DGKB: variants seen among roughly 807,000 people sequenced by gnomAD.
DGKB encodes diacylglycerol kinase beta, also known as 90 kDa diacylglycerol kinase.
In DGKB, 67 loss-of-function variants were observed where a neutral mutation model predicts 114.3. That is an observed-to-expected ratio of 0.59 (90% confidence interval 0.48 to 0.72). DGKB has a LOEUF of 0.72. Ranked by LOEUF, DGKB falls within the 30% of genes least tolerant of loss-of-function variation. The pLI, the probability that DGKB is intolerant of heterozygous loss-of-function variation, is 0.00. For synonymous variants in DGKB, 398 were observed against 323.1 expected (o/e 1.23, Z -2.49); for missense variants, 907 against 975.2 (o/e 0.93, Z 0.93).
intron 6 of DGKB, 44 bp downstream of exon 6, chr7:14,718,498 C>T (rs1828584294): frequency 1.9e-6 from 3 of 1,563,150 alleles, no homozygotes; most frequent in East Asian, 2.3e-5. Flanking sequence ...GTCCTTTCTC[C>T]TGCCCCCAAT....
intron 1 of DGKB, among the ~76,000 whole-genome samples, chr7:14,869,910 A>G (rs371841557): frequency 6.0e-4 from 91 of 152,276 alleles, no homozygotes; most frequent in African/African-American, 2.1e-3. Context: ...GATCTGGAAG[A>G]CAATTTAAAT....
At chr7:14,152,475 G>T (rs1317253691) in intron 25 of DGKB, among the ~76,000 whole-genome samples, 4 of 151,944 alleles carry the variant, frequency 2.6e-5, no homozygotes, top group Admixed American at 6.6e-5. Flanking sequence ...CAACATGCAA[G>T]GTAAATTCTA....
At chr7:14,664,818 GA>G (rs1208825669) in intron 13 of DGKB, among the ~76,000 whole-genome samples, 3 of 151,802 alleles carry the variant, frequency 2.0e-5, no homozygotes, top group Non-Finnish European at 4.4e-5. Flanking sequence ...TGAATTGCAG[GA>G]AAGAAGACAA....
At chr7:14,952,164 T>C (rs1312511411) in intron 1 of DGKB, among the ~76,000 whole-genome samples, 1 of 152,066 alleles carries the variant, frequency 6.6e-6, no homozygotes, top group Non-Finnish European at 1.5e-5. Context: ...GGAGTTATAC[T>C]GGTACAATTT....
intron 23 of DGKB, among the ~76,000 whole-genome samples, chr7:14,263,028 A>G (rs38279): frequency 0.31 from 47,002 of 151,880 alleles, 7,695 homozygotes; most frequent in East Asian, 0.5. Context: ...AGGGCTGCAC[A>G]TTCTATCTTA....
chr7:14,308,626 G>A (rs557505313), intron 23 of DGKB, among the ~76,000 whole-genome samples: 3 of 152,240 alleles, frequency 2.0e-5, no homozygotes, highest in African/African-American at 4.8e-5. Context: ...ACAACAGAAA[G>A]TTATCAGCTA....
intron 21 of DGKB, among the ~76,000 whole-genome samples, chr7:14,472,921 T>A (rs185801438): frequency 6.6e-6 from 1 of 152,232 alleles, no homozygotes; most frequent in Admixed American, 6.5e-5. Context: ...AAGAGGTGAC[T>A]TGGGTGCTGT....
At chr7:14,540,631 G>A (rs996148889) in intron 20 of DGKB, among the ~76,000 whole-genome samples, 1 of 152,058 alleles carries the variant, frequency 6.6e-6, no homozygotes, top group Non-Finnish European at 1.5e-5. Flanking sequence ...ATATAGTTTA[G>A]TTTACTATTT....
chr7:14,884,361 C>G (rs115028442), intron 1 of DGKB, among the ~76,000 whole-genome samples: 2,816 of 152,014 alleles, frequency 0.019, 92 homozygotes, highest in African/African-American at 0.065. Context: ...AAGGTCCATC[C>G]TTGAATGATT....
At chr7:14,721,738 T>A (rs1829204991) in intron 5 of DGKB, among the ~76,000 whole-genome samples, 1 of 152,130 alleles carries the variant, frequency 6.6e-6, no homozygotes, top group Non-Finnish European at 1.5e-5. Context: ...ATTTGAGAGG[T>A]AAAATATATA....
intron 23 of DGKB, among the ~76,000 whole-genome samples, chr7:14,278,094 T>TGCAATTCCTATGAAAATCCCAA (rs1799300790): frequency 6.6e-6 from 1 of 152,166 alleles, no homozygotes. Flanking sequence ...ACAGATTCAG[T>TGCAATTCCTATGAAAATCCCAA]GCAATTCCTA....
chr7:14,379,279 T>C (rs1819001083), intron 21 of DGKB, among the ~76,000 whole-genome samples: 1 of 152,204 alleles, frequency 6.6e-6, no homozygotes, highest in Admixed American at 6.5e-5. Flanking sequence ...TTTCATCATC[T>C]GTAAGTTCTT....
chr7:14,149,255 A>C lies in DGKB; in HGVS notation c.2305-17T>G, dbSNP rs747971125. The C allele has an allele frequency of 1.3e-6, 2 of 1,566,670 alleles. No homozygotes were observed. The highest frequency in any genetic ancestry group is 2.2e-5 in the East Asian group (1 of 44,622). On this transcript the variant is annotated splice_polypyrimidine_tract_variant and intron_variant, in intron 25 of 25. Transcript: ENST00000402815. ...AATTTTTATCTAGAAAAAAAGAGAGAGAGAGAGAGAGAAAGAATAGAGTAA... is the reference window on the plus strand; with the variant it reads ...AATTTTTATCTAGAAAAAAAGAGAGCGAGAGAGAGAGAAAGAATAGAGTAA...
intron 4 of DGKB, among the ~76,000 whole-genome samples, chr7:14,747,775 G>GCGCGCGTGCGCGCGCGCACACA: frequency 1.5e-4 from 22 of 149,178 alleles, no homozygotes; most frequent in African/African-American, 5.6e-4. Context: ...ACATCCACGC[G>GCGCGCGTGCGCGCGCGCACACA]CACGCACACA....
intron 23 of DGKB, among the ~76,000 whole-genome samples, chr7:14,269,379 G>C (rs983840921): frequency 1.3e-5 from 2 of 152,132 alleles, no homozygotes; most frequent in Non-Finnish European, 1.5e-5. Context: ...AGAATCTCTG[G>C]ACAAATTTTA....
intron 20 of DGKB, among the ~76,000 whole-genome samples, chr7:14,516,287 G>C (rs1419496761): frequency 6.6e-6 from 1 of 152,106 alleles, no homozygotes; most frequent in Non-Finnish European, 1.5e-5. Flanking sequence ...TTTAAACAAA[G>C]TCATTGAACA....
At chr7:14,181,437 A>T (rs1316419295) in intron 23 of DGKB, among the ~76,000 whole-genome samples, 2 of 152,208 alleles carry the variant, frequency 1.3e-5, no homozygotes, top group Non-Finnish European at 2.9e-5. Context: ...TCCACCAGGG[A>T]GTCTCACCAC....
intron 17 of DGKB, among the ~76,000 whole-genome samples, chr7:14,584,570 A>C (rs1025087098): frequency 6.6e-6 from 1 of 152,140 alleles, no homozygotes; most frequent in African/African-American, 2.4e-5. Flanking sequence ...GCATATTTTT[A>C]TACATTTCCT....
chr7:14,745,303 C>T (rs536643752), intron 4 of DGKB, among the ~76,000 whole-genome samples: 73 of 152,290 alleles, frequency 4.8e-4, no homozygotes, highest in African/African-American at 1.2e-3. Flanking sequence ...AATAGGCTTT[C>T]GAGAGAGTTA....
Sources: allele counts gnomAD v4.1 joint callset (sites outside exome capture counted in the v4.1 genomes callset), GRCh38; gene constraint gnomAD v4.1.1; transcripts MANE v1.5; gene names NCBI Gene and HGNC (gene_info 2026-07-23, HGNC 2026-07-21).